The following MPC1 variants were observed in gnomAD, a reference collection of about 807,000 sequenced individuals.
The protein encoded by MPC1 is mitochondrial pyruvate carrier 1.
Under a neutral mutation model 13.9 loss-of-function variants are expected in MPC1, and 6 were observed. The ratio of observed to expected loss-of-function variants is 0.43; its 90% CI spans 0.24 to 0.85. MPC1 has a LOEUF of 0.85. MPC1 is among the 40% of genes least tolerant of loss of function. The pLI, the probability that MPC1 is intolerant of heterozygous loss-of-function variation, is 0.24. For synonymous variants in MPC1, 47 were observed against 50.5 expected (o/e 0.93, Z 0.29); for missense variants, 115 against 143.3 (o/e 0.80, Z 1.01).
chr6:166,369,530 T>C lies in MPC1; in HGVS notation c.75+688A>G, dbSNP rs183838177. On this transcript the variant is annotated intron_variant, in intron 2 of 4. Coordinates refer to ENST00000360961, the MANE Select transcript of MPC1 (RefSeq NM_016098.4). Reference sequence around the variant, plus strand: ...TAAGTGTTGAGCTATACTGAAAATATGTTTCTTAAGAAGAACACGAAAGGT... The same window carrying C: ...TAAGTGTTGAGCTATACTGAAAATACGTTTCTTAAGAAGAACACGAAAGGT... 2.9e-3 allele frequency: 473 copies of C among 161,628 alleles called. 4 individuals are homozygous for C. The highest frequency in any genetic ancestry group is 0.024 in the South Asian group (139 of 5,710). 10.0% of individuals were successfully genotyped at this position (161,628 alleles called of 1,614,324 possible).
intron 1 of MPC1, among the ~76,000 whole-genome samples, chr6:166,379,927 G>A (rs1305385813): frequency 2.0e-5 from 3 of 152,150 alleles, no homozygotes; most frequent in African/African-American, 7.2e-5. Context: ...TTCTAGGGCA[G>A]GAAACACTAA....
chr6:166,382,669 C>G, intron 1 of MPC1, 137 bp downstream of exon 1: 1 of 852,280 alleles, frequency 1.2e-6, no homozygotes, highest in Non-Finnish European at 1.7e-6. Context: ...GACAAGCGCA[C>G]CCTCTCGCCT....
chr6:166,368,980 CCA>C lies in MPC1; in HGVS notation c.75+1236_75+1237del. The C allele has an allele frequency of 3.1e-6, 3 of 975,746 alleles. No homozygotes were observed. The South Asian group carries it at 1.4e-4, about 46-fold the overall frequency. The allele number at this position is 975,746 out of a possible 1,614,324, so 60.4% of individuals were successfully genotyped here. A position where few individuals can be genotyped will look rare whatever the true frequency, so the allele number is the denominator to read the frequency against. On this transcript the variant is annotated intron_variant, in intron 2 of 4. Coordinates refer to ENST00000360961, the MANE Select transcript of MPC1 (RefSeq NM_016098.4). The stretch of plus-strand genomic sequence containing the variant: ...AGTTATTCTAAGAGGGGCATATAAA[CCA>C]CAGTTTCTCTACCACTGGTTGTGAA...
intron 1 of MPC1, among the ~76,000 whole-genome samples, chr6:166,381,617 AAAGTTATATTC>A (rs1779787077): frequency 6.6e-6 from 1 of 152,218 alleles, no homozygotes; most frequent in Non-Finnish European, 1.5e-5. Context: ...AAACTGCTTC[AAAGTTATATTC>A]AATATTTTGA....
chr6:166,380,859 A>C (rs1779743485), intron 1 of MPC1, among the ~76,000 whole-genome samples: 1 of 151,246 alleles, frequency 6.6e-6, no homozygotes. Flanking sequence ...AAATCACTTG[A>C]ACCCAGGAGG....
rs1452529899 is a variant in MPC1, at chr6:166,365,570, T to A, written c.306-117A>T. 1 of 814,186 alleles carries A rather than the reference T, an allele frequency of 1.2e-6. No individual in the cohort carries two copies. The highest frequency in any genetic ancestry group is 1.8e-6 in the Non-Finnish European group (1 of 550,156). 50.4% of individuals were successfully genotyped at this position (814,186 alleles called of 1,614,324 possible). A position where few individuals can be genotyped will look rare whatever the true frequency, so the allele number is the denominator to read the frequency against. ...ATAACATTTATTTCAACTTACAACT[T>A]ATAAAAACAATAATATAGGTTGGGT... On this transcript the variant is annotated intron_variant, in intron 4 of 4. Coordinates refer to ENST00000360961, the MANE Select transcript of MPC1 (RefSeq NM_016098.4). The surrounding 1 kb of genome is among the most constrained non-coding windows in gnomAD (Gnocchi z 4.2).
chr6:166,370,301 T>C (rs1779331901), intron 1 of MPC1, 80 bp from the exon 2 acceptor site: 1 of 688,074 alleles, frequency 1.5e-6, no homozygotes, highest in Non-Finnish European at 2.7e-6. Flanking sequence ...ATTTTGGTCT[T>C]ATTAGGTTAC....
intron 2 of MPC1, among the ~76,000 whole-genome samples, chr6:166,368,431 T>C (rs972241922): frequency 4.2e-4 from 64 of 151,866 alleles, no homozygotes; most frequent in African/African-American, 1.5e-3. Flanking sequence ...GGCAGGTGAC[T>C]GTAATCCCAG....
At chr6:166,377,476 G>A (rs1779612246) in intron 1 of MPC1, among the ~76,000 whole-genome samples, 2 of 152,218 alleles carry the variant, frequency 1.3e-5, no homozygotes, top group South Asian at 4.2e-4. Flanking sequence ...CCAAAATTAT[G>A]GTAATGTTAG....
intron 2 of MPC1, 171 bp downstream of exon 2, chr6:166,370,047 G>T (rs773365844): frequency 2.8e-6 from 2 of 719,154 alleles, no homozygotes; most frequent in African/African-American, 3.5e-5. Flanking sequence ...CACAGAGCTC[G>T]TGTCTAGGCT....
intron 1 of MPC1, 150 bp from the exon 2 acceptor site, chr6:166,370,371 T>C (rs1779335547): frequency 1.7e-6 from 1 of 572,580 alleles, no homozygotes; most frequent in African/African-American, 1.9e-5. Context: ...ACAGTGTACA[T>C]TCTTTTATTA....
Position 166,365,839 on chromosome 6 carries a change from G to T in MPC1, c.305+135C>A. The T allele has an allele frequency of 1.7e-6, 2 of 1,171,618 alleles. No individual in the cohort carries two copies. Among genetic ancestry groups the T allele is most frequent in the Non-Finnish European group, 2.3e-6 (2 of 857,778 alleles). The allele number at this position is 1,171,618 out of a possible 1,614,324, so 72.6% of individuals were successfully genotyped here. A position where few individuals can be genotyped will look rare whatever the true frequency, so the allele number is the denominator to read the frequency against. On this transcript the variant is annotated intron_variant, in intron 4 of 4. Coordinates refer to ENST00000360961, the MANE Select transcript of MPC1 (RefSeq NM_016098.4). The surrounding 1 kb of genome is among the most constrained non-coding windows in gnomAD (Gnocchi z 4.2). ...CATGTTAACTTTCATGGTTTAGTAA[G>T]TTGTTTCCCCAACTGCTAAAGCGCA...
chr6:166,370,374 T>G, intron 1 of MPC1, 153 bp from the exon 2 acceptor site: 1 of 562,872 alleles, frequency 1.8e-6, no homozygotes, highest in Non-Finnish European at 3.1e-6. Context: ...GTGTACATTC[T>G]TTTATTATTT....
chr6:166,382,049 C>T (rs1214503757), intron 1 of MPC1, among the ~76,000 whole-genome samples: 1 of 152,252 alleles, frequency 6.6e-6, no homozygotes, highest in Non-Finnish European at 1.5e-5. Context: ...CCTGGACGGC[C>T]GCAGGTGACC....
At chr6:166,381,938 G>T in intron 1 of MPC1, 1 of 486,752 alleles carries the variant, frequency 2.1e-6, no homozygotes, top group Non-Finnish European at 2.7e-6. Context: ...AGCGCGCTGG[G>T]CGCACCCGAA....
intron 2 of MPC1, chr6:166,369,992 G>C (rs753188228): frequency 2.9e-6 from 2 of 688,802 alleles, no homozygotes; most frequent in Admixed American, 2.1e-5. Flanking sequence ...TTATATGCTT[G>C]TTTCTAAAAA....
In MPC1 at chr6:166,366,022, G is replaced by A; in HGVS notation, c.257C>T (p.Thr86Ile). 1 of 1,613,884 alleles carries A rather than the reference G, an allele frequency of 6.2e-7. No individual in the cohort carries two copies. Among genetic ancestry groups the A allele is most frequent in the Non-Finnish European group, 8.5e-7 (1 of 1,179,820 alleles). ...CTGGATGAGCTGGGCTACTTCATTT[G>A]TTGCGTGGCATGCAAACAGAAGCCA... Reference protein sequence around the residue: ...RNWLLFACHATNEVAQLIQGG... With the variant: ...RNWLLFACHAINEVAQLIQGG... Residue 86 changes from threonine (T) to isoleucine (I), a missense_variant, in exon 4 of 5, where the codon ACA (threonine) becomes ATA (isoleucine). Thr to Ile is a moderately conservative substitution (Grantham distance 89). Transcript: ENST00000360961.
chr6:166,376,754 ATGC>A (rs1380050297), intron 1 of MPC1, among the ~76,000 whole-genome samples: 3 of 152,216 alleles, frequency 2.0e-5, no homozygotes, highest in Non-Finnish European at 4.4e-5. Context: ...GCTCTGAAGT[ATGC>A]TCCATCTATA....
intron 2 of MPC1, 122 bp from the exon 3 acceptor site, chr6:166,367,013 A>T (rs756865188): frequency 1.3e-6 from 2 of 1,548,788 alleles, no homozygotes; most frequent in East Asian, 4.7e-5. Context: ...CTTCGTTTCC[A>T]TCTTGCAGGT....
Sources: allele counts gnomAD v4.1 joint callset (sites outside exome capture counted in the v4.1 genomes callset), GRCh38; gene constraint gnomAD v4.1.1; non-coding constraint Gnocchi (gnomAD v3.1); transcripts MANE v1.5; gene names NCBI Gene and HGNC (gene_info 2026-07-23, HGNC 2026-07-21).